The following RIMBP2 variants were observed in gnomAD, a reference collection of about 807,000 sequenced individuals.
RIMBP2 encodes RIMS binding protein 2.
A neutral mutation model predicts 118.6 loss-of-function variants in RIMBP2; 48 were observed. The observed-to-expected ratio is 0.40, with a 90% CI of 0.32 to 0.51. The LOEUF is 0.51. Among genes scored for constraint, RIMBP2 ranks in the 20% least tolerant of loss-of-function variants. The pLI, the probability that RIMBP2 is intolerant of heterozygous loss-of-function variation, is 0.41. For synonymous variants in RIMBP2, 762 were observed against 742.9 expected (o/e 1.03, Z -0.42); for missense variants, 1,551 against 1,768.3 (o/e 0.88, Z 2.20).
chr12:130,579,365 C>A (rs145796503), intron 2 of RIMBP2, among the ~76,000 whole-genome samples: 10 of 152,102 alleles, frequency 6.6e-5, no homozygotes, highest in African/African-American at 2.2e-4. Context: ...CAGTAAAAAC[C>A]CTGGGCCCTG....
chr12:130,618,126 T>A (rs553370088), intron 2 of RIMBP2, among the ~76,000 whole-genome samples: 1 of 152,032 alleles, frequency 6.6e-6, no homozygotes, highest in South Asian at 2.1e-4. Flanking sequence ...AATGATGTTC[T>A]CCACTCCCCT....
intron 1 of RIMBP2, among the ~76,000 whole-genome samples, chr12:130,634,765 A>T (rs955274357): frequency 2.6e-5 from 4 of 151,856 alleles, no homozygotes; most frequent in African/African-American, 7.3e-5. Flanking sequence ...CTAATGAAAA[A>T]ATATATATAT....
chr12:130,641,732 A>G (rs10773805), intron 1 of RIMBP2, among the ~76,000 whole-genome samples: 130,873 of 152,128 alleles, frequency 0.86, 56,551 homozygotes, highest in Middle Eastern at 0.91. Flanking sequence ...CTCCGGGAAA[A>G]TGAGTCAGCC....
At chr12:130,539,746 A>C (rs1301505603) in intron 2 of RIMBP2, among the ~76,000 whole-genome samples, 221 of 84,556 alleles carry the variant, frequency 2.6e-3, no homozygotes, top group Middle Eastern at 5.7e-3. Flanking sequence ...CAGGTGTAGG[A>C]TATGGCAAAT....
chr12:130,555,267 G>T, intron 2 of RIMBP2, among the ~76,000 whole-genome samples: 1 of 152,100 alleles, frequency 6.6e-6, no homozygotes, highest in Non-Finnish European at 1.5e-5. Flanking sequence ...TCAGGAGAAA[G>T]CCCTCGCAGG....
intron 4 of RIMBP2, among the ~76,000 whole-genome samples, chr12:130,494,706 C>A (rs2048979341): frequency 6.6e-6 from 1 of 152,042 alleles, no homozygotes; most frequent in African/African-American, 2.4e-5. Context: ...CGGAGGCCTC[C>A]AGGACCCTGC....
At chr12:130,529,436 C>G (rs2053148759) in intron 2 of RIMBP2, among the ~76,000 whole-genome samples, 3 of 152,070 alleles carry the variant, frequency 2.0e-5, no homozygotes, top group Non-Finnish European at 4.4e-5. Flanking sequence ...AGACAGAAAG[C>G]AGATTCGTGG....
At chr12:130,589,686 G>C (rs530786131) in intron 2 of RIMBP2, among the ~76,000 whole-genome samples, 42 of 152,162 alleles carry the variant, frequency 2.8e-4, no homozygotes, top group Non-Finnish European at 5.3e-4. Context: ...TGTATAAATA[G>C]ATCGAAACAT....
Position 130,422,333 on chromosome 12 carries a change from T to C in RIMBP2, c.3238+120A>G. ...GTTCCTGCCTTCTTTTTGCCATGAA[T>C]AACAGTGTTCTTTGCTTAGCGGAAA... On this transcript the variant is annotated intron_variant, in intron 17 of 22. Transcript: ENST00000690449. This position sits in a 1 kb window ranked among gnomAD's most constrained non-coding sequence, Gnocchi z 5.2. 1 of 605,570 alleles carries C rather than the reference T, an allele frequency of 1.7e-6. No homozygotes were observed. Among genetic ancestry groups the C allele is most frequent in the East Asian group, 2.8e-5 (1 of 36,022 alleles). The allele number at this position is 605,570 out of a possible 1,614,324, so 37.5% of individuals were successfully genotyped here. A position where few individuals can be genotyped will look rare whatever the true frequency, so the allele number is the denominator to read the frequency against.
chr12:130,456,794 T>G (rs886805112), intron 6 of RIMBP2, 94 bp from the exon 7 acceptor site: 33 of 857,246 alleles, frequency 3.8e-5, no homozygotes, highest in Non-Finnish European at 5.5e-5. Flanking sequence ...TGTGCACATG[T>G]GCACTGTGTG....
At chr12:130,549,361 G>A (rs1272313515) in intron 2 of RIMBP2, among the ~76,000 whole-genome samples, 1 of 152,202 alleles carries the variant, frequency 6.6e-6, no homozygotes, top group Non-Finnish European at 1.5e-5. Flanking sequence ...AAACAGTCCA[G>A]TGTTTTTTCT....
intron 4 of RIMBP2, among the ~76,000 whole-genome samples, chr12:130,479,803 G>A (rs2081796296): frequency 6.6e-6 from 1 of 151,674 alleles, no homozygotes; most frequent in South Asian, 2.1e-4. Context: ...CGGGTTCCTG[G>A]CTCTGTCCTC....
At chr12:130,644,917 C>G (rs1268393514) in intron 1 of RIMBP2, among the ~76,000 whole-genome samples, 3 of 152,214 alleles carry the variant, frequency 2.0e-5, no homozygotes, top group Non-Finnish European at 2.9e-5. Context: ...GCAGCACCTG[C>G]CAGCGGCAAT....
intron 12 of RIMBP2, 30 bp downstream of exon 12, chr12:130,438,335 A>ACCCACCCCCCCCCCCCCC: frequency 1.2e-6 from 1 of 865,010 alleles, no homozygotes; most frequent in East Asian, 2.8e-5. Context: ...GGCCTAACAA[A>ACCCACCCCCCCCCCCCCC]CCCTCCCCAC....
intron 21 of RIMBP2, among the ~76,000 whole-genome samples, chr12:130,401,682 C>T (rs2136288046): frequency 6.6e-6 from 1 of 152,088 alleles, no homozygotes; most frequent in South Asian, 2.1e-4. Flanking sequence ...TTTTACTGTG[C>T]ATGTGCCCCT....
intron 2 of RIMBP2, among the ~76,000 whole-genome samples, chr12:130,535,242 T>C (rs2139423833): frequency 6.6e-6 from 1 of 152,214 alleles, no homozygotes; most frequent in East Asian, 1.9e-4. Flanking sequence ...CTCACGCTCC[T>C]AATCCCAGTG....
chr12:130,448,557 T>C (rs559848902), intron 9 of RIMBP2, among the ~76,000 whole-genome samples: 1 of 152,356 alleles, frequency 6.6e-6, no homozygotes, highest in Admixed American at 6.5e-5. Context: ...GTTCTGTGAA[T>C]GGCTGCGCCT....
At chr12:130,641,359 C>T (rs1186212435) in intron 1 of RIMBP2, among the ~76,000 whole-genome samples, 2 of 144,548 alleles carry the variant, frequency 1.4e-5, no homozygotes, top group Admixed American at 6.8e-5. Flanking sequence ...GCCGGACACT[C>T]GGCCCGGCTT....
chr12:130,690,896 C>A (rs2136655646), intron 1 of RIMBP2, among the ~76,000 whole-genome samples: 1 of 152,194 alleles, frequency 6.6e-6, no homozygotes, highest in Non-Finnish European at 1.5e-5. Context: ...AGTGAGATGC[C>A]CTGTAATTCA....
Sources: gnomAD v4.1 joint callset for allele counts (sites outside exome capture counted in the v4.1 genomes callset) on GRCh38, gnomAD v4.1.1 for gene constraint, Gnocchi (gnomAD v3.1) non-coding constraint, MANE v1.5 for transcripts, NCBI Gene and HGNC (gene_info 2026-07-23, HGNC 2026-07-21) for gene names.